The following TAB2 variants were observed in gnomAD, a reference collection of about 807,000 sequenced individuals.
TAB2 encodes the protein TGF-beta activated kinase 1 (MAP3K7) binding protein 2, also known as TGF-beta-activated kinase 1 and MAP3K7-binding protein 2.
A neutral mutation model predicts 65.0 loss-of-function variants in TAB2; 3 were observed. The ratio of observed to expected loss-of-function variants is 0.05; its 90% CI spans 0.02 to 0.12. The LOEUF (loss-of-function observed/expected upper bound fraction) is 0.12, where lower values mean the gene tolerates loss of function less well. Among genes scored for constraint, TAB2 ranks in the 10% least tolerant of loss-of-function variants. The pLI, the probability that TAB2 is intolerant of heterozygous loss-of-function variation, is 1.00. For missense variants in TAB2, 623 were observed against 840.3 expected (o/e 0.74, Z 3.20); for synonymous variants, 298 against 285.1 (o/e 1.05, Z -0.46).
chr6:149,402,169 A>G (rs913832825), intron 6 of TAB2, among the ~76,000 whole-genome samples: 1 of 151,358 alleles, frequency 6.6e-6, no homozygotes, highest in Admixed American at 6.5e-5. Flanking sequence ...TTAAAAAATC[A>G]ACAAGATTGA....
chr6:149,272,633 T>A (rs1778384391), intron 1 of TAB2, among the ~76,000 whole-genome samples: 7 of 152,180 alleles, frequency 4.6e-5, no homozygotes, highest in Admixed American at 4.6e-4. Flanking sequence ...TCCAGGATAA[T>A]CTTCTCATCT....
chr6:149,257,722 G>C (rs1778067356), intron 1 of TAB2, among the ~76,000 whole-genome samples: 1 of 152,156 alleles, frequency 6.6e-6, no homozygotes, highest in South Asian at 2.1e-4. Context: ...AGAATCTCTG[G>C]GGGCAGAGTC....
chr6:149,251,592 A>C (rs1408292009), intron 1 of TAB2, among the ~76,000 whole-genome samples: 2 of 152,154 alleles, frequency 1.3e-5, no homozygotes, highest in East Asian at 3.8e-4. Context: ...GAGTCCTGTC[A>C]ATTTCGGAAG....
At chr6:149,331,147 C>T (rs531560165) in intron 1 of TAB2, among the ~76,000 whole-genome samples, 2 of 152,170 alleles carry the variant, frequency 1.3e-5, no homozygotes, top group South Asian at 2.1e-4. Flanking sequence ...ATGTCAGTTT[C>T]GGGGAAATTG....
At chr6:149,365,362 T>C (rs937155768) in intron 1 of TAB2, among the ~76,000 whole-genome samples, 1 of 152,250 alleles carries the variant, frequency 6.6e-6, no homozygotes, top group African/African-American at 2.4e-5. Context: ...CATTTTCAAA[T>C]AGTTATATTG....
chr6:149,369,936 C>A lies in TAB2; in HGVS notation c.-62C>A. On this transcript the variant is annotated 5_prime_UTR_variant, in exon 2 of 7. Transcript: ENST00000637181. The stretch of plus-strand genomic sequence containing the variant: ...AATGCTTGGACAGAAGAGATGAGTA[C>A]TATTTCCACTAAGGCCTAGAATTGC... 1 of 1,395,118 alleles carries A rather than the reference C, an allele frequency of 7.2e-7. No individual in the cohort carries two copies. Among genetic ancestry groups the A allele is most frequent in the Non-Finnish European group, 1.0e-6 (1 of 980,500 alleles). 86.4% of individuals were successfully genotyped at this position (1,395,118 alleles called of 1,614,324 possible). A position where few individuals can be genotyped will look rare whatever the true frequency, so the allele number is the denominator to read the frequency against.
intron 6 of TAB2, among the ~76,000 whole-genome samples, chr6:149,402,018 T>C (rs1297650422): frequency 7.3e-6 from 1 of 136,152 alleles, no homozygotes; most frequent in African/African-American, 2.8e-5. Context: ...AAAAGAAAGA[T>C]CTCAATTATA....
At chr6:149,288,245 T>C (rs995647350) in intron 1 of TAB2, among the ~76,000 whole-genome samples, 1 of 152,146 alleles carries the variant, frequency 6.6e-6, no homozygotes, top group Non-Finnish European at 1.5e-5. Context: ...CAGGATCTGC[T>C]TAGTAGAGTA....
At chr6:149,249,265 C>G (rs971818704) in intron 1 of TAB2, among the ~76,000 whole-genome samples, 8 of 152,044 alleles carry the variant, frequency 5.3e-5, no homozygotes, top group African/African-American at 1.9e-4. Flanking sequence ...GGGTGTGGCC[C>G]CAGGCAGACA....
intron 1 of TAB2, among the ~76,000 whole-genome samples, chr6:149,280,670 G>A (rs1034865404): frequency 3.3e-5 from 5 of 152,198 alleles, no homozygotes; most frequent in African/African-American, 1.2e-4. Context: ...ATAAGGCACA[G>A]TGGCTCATAC....
chr6:149,383,487 A>G (rs1781687414), intron 3 of TAB2, among the ~76,000 whole-genome samples: 1 of 152,192 alleles, frequency 6.6e-6, no homozygotes, highest in Non-Finnish European at 1.5e-5. Flanking sequence ...CTGTGTGTGC[A>G]CACTGTTTTG....
intron 1 of TAB2, among the ~76,000 whole-genome samples, chr6:149,319,106 G>A (rs1347745392): frequency 6.6e-6 from 1 of 152,176 alleles, no homozygotes; most frequent in Non-Finnish European, 1.5e-5. Flanking sequence ...TTTGTAAAGT[G>A]TCTAATTTTG....
intron 6 of TAB2, among the ~76,000 whole-genome samples, chr6:149,402,803 G>A (rs2114959183): frequency 6.6e-6 from 1 of 152,258 alleles, no homozygotes; most frequent in Non-Finnish European, 1.5e-5. Context: ...TTATCTCTGG[G>A]ACTTAAGGAT....
intron 1 of TAB2, among the ~76,000 whole-genome samples, chr6:149,352,481 T>G (rs1433733391): frequency 6.6e-6 from 1 of 152,220 alleles, no homozygotes; most frequent in Non-Finnish European, 1.5e-5. Flanking sequence ...TGACTTCATT[T>G]TAATAATCTT....
chr6:149,314,921 T>C (rs1169683513), upstream of TAB2, among the ~76,000 whole-genome samples: 1 of 152,006 alleles, frequency 6.6e-6, no homozygotes, highest in East Asian at 1.9e-4. Flanking sequence ...GCCAGTCTTG[T>C]TTTTTCCTTT....
chr6:149,380,333 C>T (rs12191079), intron 3 of TAB2, among the ~76,000 whole-genome samples: 35,732 of 152,040 alleles, frequency 0.24, 4,403 homozygotes, highest in Non-Finnish European at 0.26. Context: ...AATAATTTAC[C>T]TCAAAGAGAA....
rs187419134 is a variant in TAB2, at chr6:149,290,744, C to T, written c.-121+71968C>T. ...CCTGTGGTCCTAGCTACTCAGGAGG[C>T]TCAGGTGGGAGGATGGCTTGAGCCT... On this transcript the variant is annotated intron_variant, in intron 1 of 1. Transcript: ENST00000606202. Among the ~76,000 whole-genome samples, 576 of 152,268 alleles carry T rather than the reference C, an allele frequency of 3.8e-3. 1 individual carries two copies. Among genetic ancestry groups the T allele is most frequent in the African/African-American group, 0.013 (556 of 41,554 alleles).
chr6:149,397,783 G>A lies in TAB2; in HGVS notation c.1764+19G>A, dbSNP rs753633623. 1.9e-6 allele frequency: 3 copies of A among 1,611,998 alleles called. No homozygotes were observed. In the South Asian group the frequency reaches 3.3e-5, roughly 18 times the overall value. On this transcript the variant is annotated intron_variant, in intron 4 of 6. Coordinates refer to ENST00000637181, the MANE Select transcript of TAB2 (RefSeq NM_001292034.3). The stretch of plus-strand genomic sequence containing the variant: ...ACCTTCCGTAAGTCTTTATGTAACT[G>A]TTGTGATCTCTGCTTGAACATGAGA...
chr6:149,326,127 T>A (rs1456084362), intron 1 of TAB2, among the ~76,000 whole-genome samples: 1 of 152,170 alleles, frequency 6.6e-6, no homozygotes, highest in Non-Finnish European at 1.5e-5. Context: ...GTAAACAAAT[T>A]GTATTATTAT....
Sources: allele counts gnomAD v4.1 joint callset (sites outside exome capture counted in the v4.1 genomes callset), GRCh38; gene constraint gnomAD v4.1.1; transcripts MANE v1.5; gene names NCBI Gene and HGNC (gene_info 2026-07-23, HGNC 2026-07-21).